Variants in ZNF599 observed in about 807,000 individuals in gnomAD.
The protein encoded by ZNF599 is zinc finger protein 599.
In ZNF599, 10 loss-of-function variants were observed where a neutral mutation model predicts 11.7. The observed-to-expected ratio is 0.86, with a 90% CI of 0.53 to 1.45. The LOEUF is 1.45. Ranked by LOEUF, ZNF599 falls within the 40% of genes most tolerant of loss-of-function variation. The pLI, the probability that ZNF599 is intolerant of heterozygous loss-of-function variation, is 0.00. For missense variants in ZNF599, 688 were observed against 713.6 expected, an observed-to-expected ratio of 0.96 and a Z score of 0.41; for synonymous variants, 232 against 253.2, an observed-to-expected ratio of 0.92 and a Z score of 0.79.
At chr19:34,787,048 G>C in the ZNF599 span, among the ~76,000 whole-genome samples, 5 of 152,228 alleles carry the variant, frequency 3.3e-5, no homozygotes, top group African/African-American at 1.2e-4. Context: ...CTGTGGGGCT[G>C]GGGCCCAGAG....
chr19:34,783,521 A>C, the ZNF599 span, among the ~76,000 whole-genome samples: 286 of 152,242 alleles, frequency 1.9e-3, no homozygotes, highest in African/African-American at 6.5e-3. Flanking sequence ...GGCAGGTAGG[A>C]GTAGGAACTC....
the ZNF599 span, among the ~76,000 whole-genome samples, chr19:34,785,325 A>T: frequency 6.6e-6 from 1 of 152,194 alleles, no homozygotes; most frequent in Non-Finnish European, 1.5e-5. Flanking sequence ...GGACTATTGC[A>T]GTAGCCTATT....
the ZNF599 span, among the ~76,000 whole-genome samples, chr19:34,807,288 G>A: frequency 6.6e-6 from 1 of 152,232 alleles, no homozygotes; most frequent in East Asian, 1.9e-4. Flanking sequence ...TAGGAGTCCG[G>A]CGGGTGAGGG....
At chr19:34,800,694 C>CA in the ZNF599 span, among the ~76,000 whole-genome samples, 5 of 149,612 alleles carry the variant, frequency 3.3e-5, no homozygotes, top group African/African-American at 1.2e-4. Context: ...CCCCCGGGTC[C>CA]AAGCAATTCT....
chr19:34,759,861 T>C lies in ZNF599; in HGVS notation c.940A>G (p.Lys314Glu), dbSNP rs752712028. The C allele has an allele frequency of 1.9e-6, 3 of 1,614,200 alleles. No homozygotes were observed. The East Asian group carries it at 6.7e-5, about 36-fold the overall frequency. The change falls in exon 4 of 4, where the codon AAA becomes GAA. Residue 314 changes from lysine (K) to glutamate (E), a missense_variant. Physicochemically the swap from Lys to Glu is moderately conservative, Grantham distance 56. Coordinates refer to ENST00000329285, the MANE Select transcript of ZNF599 (RefSeq NM_001007248.3). ...TAGTAAAAAGCTTTCCCACATTCTT[T>C]GCATAAAAAGGGTTTTTCTCGAGTG... ...THTREKPFLCKECGKAFYYSS... is the reference protein window; with the variant it reads ...THTREKPFLCEECGKAFYYSS...
In ZNF599 at chr19:34,759,648, G is replaced by C. The variant is rs138633003; in HGVS notation, c.1153C>G (p.His385Asp). Reference sequence around the variant, plus strand: ...TTCTCTCCAGTGTGAATCCTCATGTGCTGAGTGAAGGATGAGTTGAGGCAA... The same window carrying C: ...TTCTCTCCAGTGTGAATCCTCATGTCCTGAGTGAAGGATGAGTTGAGGCAA... ...TFCLNSSFTQ[H>D]MRIHTGEKPY... Residue 385 changes from histidine (H) to aspartate (D), a missense_variant, in exon 4 of 4, where the codon CAC (histidine) becomes GAC (aspartate). Transcript: ENST00000329285. 511 of 1,614,126 alleles carry C rather than the reference G, an allele frequency of 3.2e-4. No individual in the cohort carries two copies. The highest frequency in any genetic ancestry group is 4.1e-4 in the Non-Finnish European group (479 of 1,180,052).
intron 1 of ZNF599, 43 bp downstream of exon 1, chr19:34,772,781 G>A (rs1600160766): frequency 2.0e-6 from 3 of 1,535,182 alleles, no homozygotes; most frequent in Non-Finnish European, 1.7e-6. Context: ...GTGCATGCGG[G>A]CGGTGACCCG....
rs1469191141 is a variant in ZNF599 at position 34,759,233 on chromosome 19, A to C, written c.1568T>G (p.Val523Gly). ...GKAFTQPANF[V>G]RHNRIHTGEK... ...TCCAGTGTGGATCCTATTATGCCGA[A>C]CAAAATTTGCAGGTTGGGTAAAAGC... Residue 523 changes from valine to glycine, a missense_variant, in exon 4 of 4, where the codon GTT becomes GGT. Transcript: ENST00000329285. The C allele has an allele frequency of 2.5e-6, 4 of 1,614,022 alleles. No individual in the cohort carries two copies. Among genetic ancestry groups the C allele is most frequent in the Non-Finnish European group, 3.4e-6 (4 of 1,180,036 alleles).
chr19:34,803,893 C>A, the ZNF599 span, among the ~76,000 whole-genome samples: 5 of 152,208 alleles, frequency 3.3e-5, no homozygotes, highest in Non-Finnish European at 7.3e-5. Flanking sequence ...TCTCTCATAT[C>A]TCCAGATGTC....
At chr19:34,800,582 CTTTGTT>C in the ZNF599 span, among the ~76,000 whole-genome samples, 1 of 73,834 alleles carries the variant, frequency 1.4e-5, no homozygotes, top group African/African-American at 4.9e-5. Context: ...CTAGCATTTC[CTTTGTT>C]TTTTTTTTTT....
the ZNF599 span, among the ~76,000 whole-genome samples, chr19:34,791,276 C>A: frequency 6.6e-6 from 1 of 152,138 alleles, no homozygotes; most frequent in Non-Finnish European, 1.5e-5. Context: ...TGCAAGTGGG[C>A]ATGACTTCTC....
chr19:34,783,919 A>T, the ZNF599 span, among the ~76,000 whole-genome samples: 1 of 152,056 alleles, frequency 6.6e-6, no homozygotes, highest in African/African-American at 2.4e-5. Flanking sequence ...GGCCCACACC[A>T]TGGCCATGTT....
chr19:34,772,717 G>A (rs1481922986), intron 1 of ZNF599, 107 bp downstream of exon 1: 2 of 1,523,500 alleles, frequency 1.3e-6, no homozygotes, highest in South Asian at 1.2e-5. Context: ...ATAACCTAGG[G>A]CATCAAAAGG....
chr19:34,780,179 T>C, the ZNF599 span, among the ~76,000 whole-genome samples: 1 of 152,172 alleles, frequency 6.6e-6, no homozygotes, highest in South Asian at 2.1e-4. Flanking sequence ...GGGTGTGTTA[T>C]TTGGTATCCA....
the ZNF599 span, chr19:34,791,801 C>T: frequency 1.3e-5 from 2 of 152,184 alleles, no homozygotes; most frequent in African/African-American, 4.8e-5. Context: ...TCCCACCTGC[C>T]CAGCTCTTGG....
chr19:34,794,325 T>G, the ZNF599 span, among the ~76,000 whole-genome samples: 3 of 152,168 alleles, frequency 2.0e-5, no homozygotes, highest in Non-Finnish European at 4.4e-5. Flanking sequence ...GCATGGCATT[T>G]GTAAACTGTC....
the ZNF599 span, chr19:34,779,614 C>T: frequency 1.7e-3 from 656 of 380,552 alleles, 11 homozygotes; most frequent in South Asian, 0.012. Flanking sequence ...CTCCAACTCA[C>T]ATCTCTTAGG....
At chr19:34,785,059 A>G in the ZNF599 span, among the ~76,000 whole-genome samples, 1 of 148,404 alleles carries the variant, frequency 6.7e-6, no homozygotes, top group Non-Finnish European at 1.5e-5. Flanking sequence ...GGACCGTCAG[A>G]CTCAACATGG....
At chr19:34,780,375 A>G in the ZNF599 span, among the ~76,000 whole-genome samples, 319 of 152,076 alleles carry the variant, frequency 2.1e-3, no homozygotes, top group African/African-American at 7.3e-3. Context: ...TGGGTGTGGT[A>G]GTGTGCACCT....
Sources: gnomAD v4.1 joint callset for allele counts (sites outside exome capture counted in the v4.1 genomes callset) on GRCh38, gnomAD v4.1.1 for gene constraint, MANE v1.5 for transcripts, NCBI Gene and HGNC (gene_info 2026-07-23, HGNC 2026-07-21) for gene names.